PLCB1: variants seen among roughly 807,000 people sequenced by gnomAD.
PLCB1 encodes the protein 1-phosphatidylinositol 4,5-bisphosphate phosphodiesterase beta-1.
A neutral mutation model predicts 161.8 loss-of-function variants in PLCB1; 46 were observed. That is an observed-to-expected ratio of 0.28 (90% CI 0.22 to 0.36). The LOEUF (loss-of-function observed/expected upper bound fraction) is 0.36. PLCB1 is among the 10% of genes least tolerant of loss of function. The probability of loss-of-function intolerance (pLI) is 1.00; values close to 1 mark genes in which losing one functional copy is unlikely to be tolerated. For missense variants in PLCB1, 1,016 were observed against 1,472.5 expected, an observed-to-expected ratio of 0.69 and a Z score of 5.07; for synonymous variants, 517 against 503.7, an observed-to-expected ratio of 1.03 and a Z score of -0.35.
intron 2 of PLCB1, among the ~76,000 whole-genome samples, chr20:8,312,574 G>T (rs1280916618): frequency 6.6e-6 from 1 of 152,044 alleles, no homozygotes; most frequent in Non-Finnish European, 1.5e-5. Flanking sequence ...CGGTGCTTGG[G>T]TAGTGCCACT....
At chr20:8,254,537 G>T (rs1981313168) in intron 2 of PLCB1, among the ~76,000 whole-genome samples, 1 of 151,412 alleles carries the variant, frequency 6.6e-6, no homozygotes, top group South Asian at 2.1e-4. Context: ...TATAAATCAG[G>T]CTCCTCTTTC....
intron 2 of PLCB1, among the ~76,000 whole-genome samples, chr20:8,307,880 G>A (rs145878207): frequency 0.013 from 1,986 of 151,898 alleles, 53 homozygotes; most frequent in Non-Finnish European, 0.02. Context: ...CTAAGATAGT[G>A]TCACTGCACT....
chr20:8,609,673 G>T (rs918489981), intron 3 of PLCB1, among the ~76,000 whole-genome samples: 12 of 151,990 alleles, frequency 7.9e-5, no homozygotes, highest in African/African-American at 2.9e-4. Context: ...GATGGGAGTC[G>T]TGCTGTGTCA....
At chr20:8,389,977 A>C (rs1041461734) in intron 3 of PLCB1, among the ~76,000 whole-genome samples, 1 of 152,188 alleles carries the variant, frequency 6.6e-6, no homozygotes, top group East Asian at 1.9e-4. Flanking sequence ...TTGAAAATAG[A>C]GATTTTACAC....
intron 2 of PLCB1, among the ~76,000 whole-genome samples, chr20:8,151,284 T>C (rs775660733): frequency 6.6e-6 from 1 of 152,194 alleles, no homozygotes; most frequent in African/African-American, 2.4e-5. Flanking sequence ...AATTGTTAGC[T>C]CTTTCAAAAC....
intron 7 of PLCB1, chr20:8,651,403 T>C (rs1269152127): frequency 1.4e-6 from 1 of 718,128 alleles, no homozygotes. Flanking sequence ...CTATCACCTT[T>C]CTTCTATAGG....
chr20:8,292,718 G>A (rs1197418874), intron 2 of PLCB1, among the ~76,000 whole-genome samples: 1 of 152,086 alleles, frequency 6.6e-6, no homozygotes, highest in African/African-American at 2.4e-5. Context: ...GACTTAAAAG[G>A]GGCCTGGTTC....
chr20:8,820,203 TGTATTATATA>T (rs1390164448), intron 31 of PLCB1, among the ~76,000 whole-genome samples: 15 of 148,384 alleles, frequency 1.0e-4, no homozygotes, highest in Non-Finnish European at 1.8e-4. Context: ...CAGAGTCAAC[TGTATTATATA>T]GTATTATATA....
At chr20:8,692,090 A>G (rs897505462) in intron 10 of PLCB1, among the ~76,000 whole-genome samples, 2 of 152,210 alleles carry the variant, frequency 1.3e-5, no homozygotes, top group African/African-American at 4.8e-5. Flanking sequence ...GACAGCTAAT[A>G]TCTTCATTCA....
chr20:8,603,082 T>G (rs1753766844), intron 3 of PLCB1, among the ~76,000 whole-genome samples: 1 of 152,094 alleles, frequency 6.6e-6, no homozygotes, highest in Non-Finnish European at 1.5e-5. Context: ...ACACAGAAAA[T>G]GAAAGGTCTA....
At chr20:8,417,026 TACACACACACAC>T (rs5840263) in intron 3 of PLCB1, among the ~76,000 whole-genome samples, 50 of 66,586 alleles carry the variant, frequency 7.5e-4, no homozygotes, top group Middle Eastern at 0.023. Flanking sequence ...TATATGTGTA[TACACACACACAC>T]ACACACACAC....
At chr20:8,601,097 G>C (rs1307508381) in intron 3 of PLCB1, among the ~76,000 whole-genome samples, 1 of 152,196 alleles carries the variant, frequency 6.6e-6, no homozygotes. Context: ...GACCGGAGCT[G>C]TTCCTATTCG....
intron 31 of PLCB1, among the ~76,000 whole-genome samples, chr20:8,810,880 T>A (rs1162286625): frequency 6.6e-6 from 1 of 152,180 alleles, no homozygotes; most frequent in Non-Finnish European, 1.5e-5. Context: ...ATGGGAGGAT[T>A]GCTTGAACCT....
At chr20:8,785,386 G>C (rs1983434952) in intron 27 of PLCB1, among the ~76,000 whole-genome samples, 1 of 152,122 alleles carries the variant, frequency 6.6e-6, no homozygotes, top group Admixed American at 6.5e-5. Flanking sequence ...CTGGTATGTG[G>C]ACTACACTTT....
At chr20:8,471,727 T>C (rs1982061215) in intron 3 of PLCB1, among the ~76,000 whole-genome samples, 1 of 152,164 alleles carries the variant, frequency 6.6e-6, no homozygotes, top group African/African-American at 2.4e-5. Flanking sequence ...TTCAAAGAGC[T>C]CTAAATTTAA....
intron 3 of PLCB1, among the ~76,000 whole-genome samples, chr20:8,429,509 T>C (rs1722120215): frequency 6.6e-6 from 1 of 151,974 alleles, no homozygotes; most frequent in African/African-American, 2.4e-5. Flanking sequence ...TAGAACATAA[T>C]AGAGTCAAGC....
Position 8,400,994 on chromosome 20 carries a change from T to G in PLCB1, c.246+29544T>G, listed in dbSNP as rs141803715. Among the ~76,000 whole-genome samples the G allele has an allele frequency of 2.9e-3, 448 of 152,292 alleles. 3 individuals carry two copies. Among genetic ancestry groups the G allele is most frequent in the African/African-American group, 0.01 (425 of 41,562 alleles). ...GAAGAGATTATATAAATTAATCAATTACACTTCCACCAACAACAATCAAGA... is the reference window on the plus strand; with the variant it reads ...GAAGAGATTATATAAATTAATCAATGACACTTCCACCAACAACAATCAAGA... On this transcript the variant is annotated intron_variant, in intron 3 of 31. Transcript: ENST00000338037.
intron 9 of PLCB1, among the ~76,000 whole-genome samples, chr20:8,671,559 A>T (rs574903652): frequency 7.6e-4 from 116 of 152,342 alleles, no homozygotes; most frequent in African/African-American, 2.7e-3. Context: ...CCTCTGCCAG[A>T]TGGGTCATTT....
chr20:8,579,621 G>A (rs1317982283), intron 3 of PLCB1, among the ~76,000 whole-genome samples: 1 of 152,184 alleles, frequency 6.6e-6, no homozygotes, highest in African/African-American at 2.4e-5. Context: ...AAGACTTTGA[G>A]TAGGTCCCAT....
Sources: allele counts gnomAD v4.1 joint callset (sites outside exome capture counted in the v4.1 genomes callset), GRCh38; gene constraint gnomAD v4.1.1; transcripts MANE v1.5; gene names NCBI Gene and HGNC (gene_info 2026-07-23, HGNC 2026-07-21).